Variants in PAK2 observed in about 807,000 individuals in gnomAD.
PAK2 encodes p21 (RAC1) activated kinase 2, also known as serine/threonine-protein kinase PAK 2.
Under a neutral mutation model 65.9 loss-of-function variants are expected in PAK2, and 21 were observed. The ratio of observed to expected loss-of-function variants is 0.32; its 90% confidence interval spans 0.23 to 0.46. The LOEUF is 0.46. Among genes scored for constraint, PAK2 ranks in the 20% least tolerant of loss-of-function variants. The pLI is 1.00. For synonymous variants in PAK2, 204 were observed against 219.7 expected (o/e 0.93, Z 0.63); for missense variants, 324 against 642.6 (o/e 0.50, Z 5.36).
At chr3:196,749,068 C>G (rs1049477955) in intron 1 of PAK2, among the ~76,000 whole-genome samples, 1 of 134,222 alleles carries the variant, frequency 7.5e-6, no homozygotes, top group Non-Finnish European at 1.7e-5. Context: ...TGTAGCATGT[C>G]AGAAGTTCTT....
intron 2 of PAK2, among the ~76,000 whole-genome samples, chr3:196,786,404 A>G (rs1577721113): frequency 6.6e-6 from 1 of 151,734 alleles, no homozygotes; most frequent in South Asian, 2.1e-4. Context: ...CTTGTGATCC[A>G]CCTGCCTCAG....
At chr3:196,811,115 A>G (rs961818865) in intron 8 of PAK2, among the ~76,000 whole-genome samples, 2 of 151,756 alleles carry the variant, frequency 1.3e-5, no homozygotes, top group Admixed American at 6.6e-5. Context: ...CTAAATTTTT[A>G]ATGTTATTAA....
chr3:196,759,445 T>A (rs1713872798), intron 1 of PAK2, among the ~76,000 whole-genome samples: 2 of 149,398 alleles, frequency 1.3e-5, no homozygotes, highest in South Asian at 2.2e-4. Context: ...AAAACAGATA[T>A]TCATATACAG....
At chr3:196,760,824 G>A (rs1480106171) in intron 1 of PAK2, among the ~76,000 whole-genome samples, 2 of 152,236 alleles carry the variant, frequency 1.3e-5, no homozygotes, top group Non-Finnish European at 2.9e-5. Context: ...GATTCAAAGT[G>A]TGAGTTTAAA....
intron 1 of PAK2, among the ~76,000 whole-genome samples, chr3:196,756,492 T>G (rs936584420): frequency 2.6e-5 from 4 of 152,136 alleles, no homozygotes; most frequent in Non-Finnish European, 5.9e-5. Context: ...ACTTAACTCT[T>G]TTAGGCACTT....
intron 1 of PAK2, among the ~76,000 whole-genome samples, chr3:196,762,096 A>G (rs1188367961): frequency 7.7e-6 from 1 of 129,434 alleles, no homozygotes; most frequent in Non-Finnish European, 1.7e-5. Flanking sequence ...CACATCCCAG[A>G]TGGGGCGGCG....
chr3:196,805,453 T>C, intron 5 of PAK2, 70 bp downstream of exon 5: 3 of 764,508 alleles, frequency 3.9e-6, no homozygotes, highest in Non-Finnish European at 6.4e-6. Context: ...TCTCAGTTTT[T>C]ATTTTGCTTT....
intron 13 of PAK2, among the ~76,000 whole-genome samples, chr3:196,826,564 C>A (rs4916445): frequency 1 from 152,105 of 152,110 alleles, 76,050 homozygotes; most frequent in Non-Finnish European, 1. Context: ...ATTTGAGAAA[C>A]CTAAACAGGA....
At chr3:196,799,566 A>G (rs1715356850) in intron 2 of PAK2, among the ~76,000 whole-genome samples, 1 of 152,186 alleles carries the variant, frequency 6.6e-6, no homozygotes, top group Non-Finnish European at 1.5e-5. Context: ...CGGCTACGTT[A>G]TGACACAACA....
intron 1 of PAK2, among the ~76,000 whole-genome samples, chr3:196,748,036 A>AT (rs1365537998): frequency 6.6e-6 from 1 of 151,758 alleles, no homozygotes; most frequent in African/African-American, 2.4e-5. Flanking sequence ...TTTCTTTTTC[A>AT]TTTATTTGGT....
chr3:196,784,447 A>G lies in PAK2; in HGVS notation c.187+1614A>G, dbSNP rs1354530066. 7.8e-3 allele frequency among the ~76,000 whole-genome samples: 885 copies of G among 113,924 alleles called. 12 individuals carry two copies. Among genetic ancestry groups the G allele is most frequent in the African/African-American group, 0.028 (816 of 29,322 alleles). 74.7% of individuals were successfully genotyped at this position (113,924 alleles called of 152,430 possible). The stretch of plus-strand genomic sequence containing the variant: ...TGTGTCCATGTGATCTCATTGTTCA[A>G]TTCCCACCTATGAGTGAGAATATGC... On this transcript the variant is annotated intron_variant, in intron 2 of 14. Coordinates refer to ENST00000327134, the MANE Select transcript of PAK2 (RefSeq NM_002577.4).
chr3:196,762,844 A>G (rs189201104), intron 1 of PAK2, among the ~76,000 whole-genome samples: 24 of 152,300 alleles, frequency 1.6e-4, no homozygotes, highest in African/African-American at 5.5e-4. Context: ...CTGAATTTCA[A>G]GGAAGTGTGC....
At position 196,828,511 on chromosome 3, in the gene PAK2, C is replaced by T. The variant is rs1711959221; in HGVS notation, c.*106C>T. 5 of 738,646 alleles carry T rather than the reference C, an allele frequency of 6.8e-6. No homozygotes were observed. The highest frequency in any genetic ancestry group is 4.9e-5 in the South Asian group (3 of 61,732). 45.8% of individuals were successfully genotyped at this position (738,646 alleles called of 1,614,324 possible). A position where few individuals can be genotyped will look rare whatever the true frequency, so the allele number is the denominator to read the frequency against. On this transcript the variant is annotated 3_prime_UTR_variant, in exon 15 of 15. Coordinates refer to ENST00000327134, the MANE Select transcript of PAK2 (RefSeq NM_002577.4). Reference sequence around the variant, plus strand: ...GGGTTTAAAGAAATGGTCTGCATAACCTGAATGAAAGAAGCAAATGACTAT... The same window carrying T: ...GGGTTTAAAGAAATGGTCTGCATAATCTGAATGAAAGAAGCAAATGACTAT...
chr3:196,759,943 T>C (rs1713907954), intron 1 of PAK2, among the ~76,000 whole-genome samples: 1 of 152,160 alleles, frequency 6.6e-6, no homozygotes, highest in Non-Finnish European at 1.5e-5. Flanking sequence ...TGACTCCTTA[T>C]TTCATCTCCC....
chr3:196,741,842 T>C lies in PAK2; in HGVS notation c.-22+1685T>C, dbSNP rs191364120. ...TGAAACTTGGTCTGTAGATGTTGGC[T>C]TCTCTGCCAGTTTCTTCTAATCAGC... On this transcript the variant is annotated intron_variant, in intron 1 of 14. Transcript: ENST00000327134. 2.9e-3 allele frequency among the ~76,000 whole-genome samples: 443 copies of C among 152,322 alleles called. 3 individuals are homozygous for C. Among genetic ancestry groups the C allele is most frequent in the Non-Finnish European group, 3.1e-3 (211 of 68,036 alleles).
chr3:196,771,473 G>A (rs1382675560), intron 1 of PAK2, among the ~76,000 whole-genome samples: 1 of 151,970 alleles, frequency 6.6e-6, no homozygotes, highest in Non-Finnish European at 1.5e-5. Context: ...TTTGTTCAGT[G>A]GACCAGTCCT....
chr3:196,772,199 T>C (rs1263934435), intron 1 of PAK2, among the ~76,000 whole-genome samples: 2 of 152,224 alleles, frequency 1.3e-5, no homozygotes, highest in Non-Finnish European at 2.9e-5. Context: ...ATGTGCATTA[T>C]AGCCTTTTTC....
rs116892705 is a variant in PAK2, at chr3:196,758,622, G to A, written c.-22+18465G>A. 5.9e-5 allele frequency among the ~76,000 whole-genome samples: 9 copies of A among 152,222 alleles called. No individual in the cohort carries two copies. The East Asian group carries it at 1.7e-3, about 29-fold the overall frequency. ...AACCATGAGAAGGTTTTAAGTGGGA[G>A]GATGAAGTGATAGTATTTTTATTTT... On this transcript the variant is annotated intron_variant, in intron 1 of 14. Transcript: ENST00000327134.
chr3:196,794,852 G>A (rs535046323), intron 2 of PAK2, among the ~76,000 whole-genome samples: 12 of 152,208 alleles, frequency 7.9e-5, no homozygotes, highest in African/African-American at 2.9e-4. Context: ...TCCCATTTAG[G>A]ATGGGCTGCA....
Sources: allele counts gnomAD v4.1 joint callset (sites outside exome capture counted in the v4.1 genomes callset), GRCh38; gene constraint gnomAD v4.1.1; transcripts MANE v1.5; gene names NCBI Gene and HGNC (gene_info 2026-07-23, HGNC 2026-07-21).